The following ERBB4 variants were observed in gnomAD, a reference collection of about 807,000 sequenced individuals.
ERBB4 encodes receptor tyrosine-protein kinase erbB-4.
ERBB4 carries 42 observed loss-of-function variants against 158.0 expected under a neutral mutation model. The observed-to-expected ratio is 0.27, with a 90% confidence interval of 0.21 to 0.34. The LOEUF is 0.34. Ranked by LOEUF, ERBB4 falls within the 10% of genes least tolerant of loss-of-function variation. The probability of loss-of-function intolerance (pLI) is 1.00; values close to 1 mark genes in which losing one functional copy is unlikely to be tolerated. For missense variants in ERBB4, 1,333 were observed against 1,624.1 expected, an observed-to-expected ratio of 0.82 and a Z score of 3.08; for synonymous variants, 583 against 558.7, an observed-to-expected ratio of 1.04 and a Z score of -0.61.
chr2:212,100,888 C>T (rs1251130733), intron 2 of ERBB4, among the ~76,000 whole-genome samples: 2 of 152,100 alleles, frequency 1.3e-5, no homozygotes, highest in African/African-American at 4.8e-5. Context: ...TTACTATTCT[C>T]AAGAGATTCT....
rs2068735186 is a variant in ERBB4 at position 211,599,513 on chromosome 2, C to CTGTGTCTGTGTGTGTGTGTGTGTGTGTG, written c.2301+19663_2301+19664insCACACACACACACACACACACAGACACA. 3.5e-5 allele frequency among the ~76,000 whole-genome samples: 5 copies of CTGTGTCTGTGTGTGTGTGTGTGTGTGTG among 140,908 alleles called. No individual in the cohort carries two copies. The South Asian group carries it at 7.2e-4, about 20-fold the overall frequency. 92.4% of individuals were successfully genotyped at this position (140,908 alleles called of 152,430 possible). A position where few individuals can be genotyped will look rare whatever the true frequency, so the allele number is the denominator to read the frequency against. Reference sequence around the variant, plus strand: ...ACAGGCTCACAGAAAATAATTTCTTCTGTGTGTGTGTGTGTGTGTGTGTTT... The same window carrying CTGTGTCTGTGTGTGTGTGTGTGTGTGTG: ...ACAGGCTCACAGAAAATAATTTCTTCTGTGTCTGTGTGTGTGTGTGTGTGTGTGTGTGTGTGTGTGTGTGTGTGTGTTT... On this transcript the variant is annotated intron_variant, in intron 19 of 27. Transcript: ENST00000342788.
chr2:211,865,186 A>G (rs2078174245), intron 3 of ERBB4, among the ~76,000 whole-genome samples: 1 of 151,392 alleles, frequency 6.6e-6, no homozygotes, highest in South Asian at 2.1e-4. Flanking sequence ...CTATACCTAT[A>G]TATATCTATA....
intron 2 of ERBB4, among the ~76,000 whole-genome samples, chr2:212,073,286 T>C (rs1362841931): frequency 1.3e-5 from 2 of 151,996 alleles, no homozygotes; most frequent in African/African-American, 4.8e-5. Context: ...GATGCATTTG[T>C]GTCATGGGTA....
chr2:211,585,578 AGTTT>A (rs1169241894), intron 19 of ERBB4, among the ~76,000 whole-genome samples: 1 of 152,156 alleles, frequency 6.6e-6, no homozygotes, highest in Non-Finnish European at 1.5e-5. Flanking sequence ...AAATTAAATC[AGTTT>A]ATTAACTTCA....
chr2:212,407,885 CTTA>C lies in ERBB4; in HGVS notation c.82+130561_82+130563del, dbSNP rs912111776. On this transcript the variant is annotated intron_variant, in intron 1 of 27. Coordinates refer to ENST00000342788, the MANE Select transcript of ERBB4 (RefSeq NM_005235.3). ...ATATGCTTTGTATTGAGAATATGCA[CTTA>C]TTATGTACTACTAGGTAGCTTAGTA... is the stretch of plus-strand genomic sequence containing the variant. 1.3e-4 allele frequency among the ~76,000 whole-genome samples: 20 copies of C among 151,874 alleles called. 1 individual carries two copies. The highest frequency in any genetic ancestry group is 3.9e-4 in the African/African-American group (16 of 41,376).
intron 3 of ERBB4, among the ~76,000 whole-genome samples, chr2:211,946,408 CTTAAT>C (rs1294988564): frequency 4.0e-5 from 6 of 151,894 alleles, no homozygotes; most frequent in Middle Eastern, 3.4e-3. Context: ...CTCTAAACTG[CTTAAT>C]TTTTCAATGT....
At chr2:212,239,165 A>G (rs2083991169) in intron 1 of ERBB4, among the ~76,000 whole-genome samples, 1 of 152,190 alleles carries the variant, frequency 6.6e-6, no homozygotes, top group Non-Finnish European at 1.5e-5. Context: ...CTCCTGCCTC[A>G]TTCTGAAGTA....
chr2:211,799,910 T>C (rs537648580), intron 3 of ERBB4, among the ~76,000 whole-genome samples: 1 of 152,288 alleles, frequency 6.6e-6, no homozygotes, highest in South Asian at 2.1e-4. Context: ...GCAAGACTAC[T>C]AGGCCACGTT....
At chr2:211,848,704 A>C (rs1177297646) in intron 3 of ERBB4, among the ~76,000 whole-genome samples, 1 of 152,096 alleles carries the variant, frequency 6.6e-6, no homozygotes, top group Non-Finnish European at 1.5e-5. Flanking sequence ...GGAAGAATCC[A>C]ATAGACTAGA....
intron 5 of ERBB4, among the ~76,000 whole-genome samples, chr2:211,732,244 G>A (rs960065656): frequency 6.6e-6 from 1 of 151,926 alleles, no homozygotes; most frequent in East Asian, 1.9e-4. Context: ...TTCATCATAA[G>A]CCTATATCCT....
chr2:212,228,151 C>T (rs2083538248), intron 1 of ERBB4, among the ~76,000 whole-genome samples: 1 of 152,132 alleles, frequency 6.6e-6, no homozygotes, highest in Non-Finnish European at 1.5e-5. Context: ...ATATATAAAG[C>T]TAGAAAGCAC....
chr2:212,092,629 A>G (rs2078812715), intron 2 of ERBB4, among the ~76,000 whole-genome samples: 1 of 152,206 alleles, frequency 6.6e-6, no homozygotes, highest in South Asian at 2.1e-4. Flanking sequence ...TCTTCCTACT[A>G]CATTCCTGTA....
chr2:211,657,509 CAA>C (rs777875937), intron 16 of ERBB4: 6,805 of 343,274 alleles, frequency 0.02, no homozygotes, highest in East Asian at 0.025. Context: ...ACTCGGTCTC[CAA>C]AAAAAAAAAA....
At chr2:212,137,888 G>A (rs926515797) in intron 1 of ERBB4, among the ~76,000 whole-genome samples, 8 of 152,132 alleles carry the variant, frequency 5.3e-5, no homozygotes, top group African/African-American at 1.4e-4. Context: ...TGTTTGATAA[G>A]GAGACAGCCA....
In ERBB4 at chr2:211,673,161, T is replaced by C. The variant is rs2071909545; in HGVS notation, c.1716+3A>G. 2 of 1,605,256 alleles carry C rather than the reference T, an allele frequency of 1.2e-6. No homozygotes were observed. Among genetic ancestry groups the C allele is most frequent in the Non-Finnish European group, 1.7e-6 (2 of 1,172,118 alleles). On this transcript the variant is annotated splice_donor_region_variant and intron_variant, in intron 14 of 27. Transcript: ENST00000342788. The stretch of plus-strand genomic sequence containing the variant: ...AACACACCACAGATGTCTTCAGGCT[T>C]ACCGGTCCATGGCATGTGAGGAGGC...
intron 1 of ERBB4, among the ~76,000 whole-genome samples, chr2:212,143,634 T>C (rs1015935640): frequency 1.3e-5 from 2 of 152,122 alleles, no homozygotes; most frequent in Admixed American, 1.3e-4. Flanking sequence ...ATTGATTAAG[T>C]TTCTATCCCA....
In ERBB4 at chr2:211,376,683, T is replaced by C. The variant is rs1002781215; in HGVS notation, c.*6932A>G. The C allele has an allele frequency of 1.7e-5, 4 of 232,930 alleles. No individual in the cohort carries two copies. Among genetic ancestry groups the C allele is most frequent in the African/African-American group, 4.4e-5 (2 of 45,298 alleles). 14.4% of individuals were successfully genotyped at this position (232,930 alleles called of 1,614,324 possible). ...CCCAAACTGATGTCAGTAAATTACT[T>C]TGATGCATGTATAAGATGAATGTTT... On this transcript the variant is annotated 3_prime_UTR_variant, in exon 28 of 28. Transcript: ENST00000342788.
intron 19 of ERBB4, among the ~76,000 whole-genome samples, chr2:211,573,704 T>C (rs1312055544): frequency 2.4e-5 from 1 of 41,564 alleles, no homozygotes; most frequent in Non-Finnish European, 4.1e-5. Flanking sequence ...TAATAGAAAA[T>C]ATTAAAAAAA....
chr2:211,413,799 T>C (rs181553581), intron 25 of ERBB4, among the ~76,000 whole-genome samples: 11 of 151,750 alleles, frequency 7.2e-5, no homozygotes, highest in South Asian at 2.1e-4. Flanking sequence ...TGCGGACACA[T>C]TGAAGGGTGA....
Sources: allele counts gnomAD v4.1 joint callset (sites outside exome capture counted in the v4.1 genomes callset), GRCh38; gene constraint gnomAD v4.1.1; transcripts MANE v1.5; gene names NCBI Gene and HGNC (gene_info 2026-07-23, HGNC 2026-07-21).